ROBO2: variants seen among roughly 807,000 people sequenced by gnomAD.
ROBO2 encodes roundabout guidance receptor 2, also known as roundabout homolog 2.
ROBO2 carries 53 observed loss-of-function variants against 160.8 expected under a neutral mutation model. The ratio of observed to expected loss-of-function variants is 0.33; its 90% confidence interval spans 0.26 to 0.41. The LOEUF (loss-of-function observed/expected upper bound fraction) is 0.41. Among genes scored for constraint, ROBO2 ranks in the 10% least tolerant of loss-of-function variants. The pLI is 1.00. For missense variants in ROBO2, 1,577 were observed against 1,722.4 expected, an observed-to-expected ratio of 0.92 and a Z score of 1.49; for synonymous variants, 664 against 611.7, an observed-to-expected ratio of 1.09 and a Z score of -1.26.
chr3:76,213,977 C>T (rs1035897377), intron 2 of ROBO2, among the ~76,000 whole-genome samples: 13 of 152,070 alleles, frequency 8.5e-5, no homozygotes, highest in African/African-American at 2.4e-4. Context: ...CTTCTCTACT[C>T]GGTCTGCTAA....
At chr3:76,460,338 C>A (rs1227903609) in intron 2 of ROBO2, among the ~76,000 whole-genome samples, 1 of 152,106 alleles carries the variant, frequency 6.6e-6, no homozygotes, top group Non-Finnish European at 1.5e-5. Flanking sequence ...GAAGCATGAT[C>A]ATTTCAAAAT....
At position 77,619,212 on chromosome 3, in the gene ROBO2, C is replaced by T. The variant is rs528442584; in HGVS notation, c.3554+1439C>T. On this transcript the variant is annotated intron_variant, in intron 22 of 25. Transcript: ENST00000461745. ...CAACATTTATATGCTATAGTTTCCC[C>T]ATGTGTAAAATGATGGTGATGATAA... Among the ~76,000 whole-genome samples the T allele has an allele frequency of 1.1e-4, 17 of 152,234 alleles. No homozygotes were observed. In the South Asian group the frequency reaches 3.3e-3, roughly 30 times the overall value.
chr3:76,407,001 T>G (rs1018957578), intron 2 of ROBO2, among the ~76,000 whole-genome samples: 8 of 151,458 alleles, frequency 5.3e-5, no homozygotes, highest in Admixed American at 4.0e-4. Context: ...TGAGTTGTTT[T>G]TTTTTTTTTT....
chr3:75,908,712 G>A (rs1182523868), intron 1 of ROBO2, among the ~76,000 whole-genome samples: 1 of 151,950 alleles, frequency 6.6e-6, no homozygotes, highest in Non-Finnish European at 1.5e-5. Context: ...GTTTCTCTTT[G>A]ATATAAAATA....
intron 1 of ROBO2, among the ~76,000 whole-genome samples, chr3:77,066,971 T>TC (rs892526917): frequency 1.4e-5 from 2 of 146,646 alleles, no homozygotes; most frequent in Non-Finnish European, 3.0e-5. Flanking sequence ...TCTTTTCCCC[T>TC]CCCCCCTCCA....
intron 2 of ROBO2, among the ~76,000 whole-genome samples, chr3:76,008,755 A>T (rs2066105743): frequency 6.6e-6 from 1 of 151,618 alleles, no homozygotes; most frequent in Admixed American, 6.6e-5. Flanking sequence ...TTTCTCATCC[A>T]TCACTAGGTT....
intron 2 of ROBO2, among the ~76,000 whole-genome samples, chr3:77,146,907 C>T (rs1188772700): frequency 6.6e-6 from 1 of 152,084 alleles, no homozygotes; most frequent in African/African-American, 2.4e-5. Context: ...GCGGAGGTTG[C>T]GGTGAGCCAA....
At chr3:76,628,433 G>GGT (rs375462977) in intron 2 of ROBO2, among the ~76,000 whole-genome samples, 1 of 135,366 alleles carries the variant, frequency 7.4e-6, no homozygotes, top group African/African-American at 2.8e-5. Flanking sequence ...TAATTTTTAG[G>GGT]TTTTTTTTTT....
At chr3:76,573,377 A>G (rs2085068798) in intron 2 of ROBO2, among the ~76,000 whole-genome samples, 1 of 152,098 alleles carries the variant, frequency 6.6e-6, no homozygotes, top group Non-Finnish European at 1.5e-5. Context: ...AACCCATTTA[A>G]GAGTCAGCTG....
intron 2 of ROBO2, among the ~76,000 whole-genome samples, chr3:77,101,314 T>A (rs1460398882): frequency 3.3e-5 from 5 of 152,164 alleles, no homozygotes; most frequent in African/African-American, 9.7e-5. Context: ...TGTTTTGTTT[T>A]TGGTTAAGTG....
intron 2 of ROBO2, among the ~76,000 whole-genome samples, chr3:76,136,553 T>C (rs892992694): frequency 6.6e-6 from 1 of 151,936 alleles, no homozygotes; most frequent in Non-Finnish European, 1.5e-5. Context: ...CAGAGTGGGG[T>C]ATAATATAGG....
rs79745543 is a variant in ROBO2 at position 77,539,986 on chromosome 3, T to G, written c.935-6352T>G. ...CTCTGCTGAAATGCTGGAGCTAGTT[T>G]GGGGACAAATGAGTGTCAGGATTGG... On this transcript the variant is annotated intron_variant, in intron 6 of 25. Transcript: ENST00000461745. Among the ~76,000 whole-genome samples, 3 of 152,226 alleles carry G rather than the reference T, an allele frequency of 2.0e-5. No homozygotes were observed. In the East Asian group the frequency reaches 5.8e-4, roughly 29 times the overall value.
chr3:76,409,668 T>C (rs935011954), intron 2 of ROBO2, among the ~76,000 whole-genome samples: 2 of 152,042 alleles, frequency 1.3e-5, no homozygotes, highest in Non-Finnish European at 2.9e-5. Context: ...CAAACTAAGC[T>C]CTGTTCCTTA....
At chr3:76,179,946 A>ACCG (rs1225443411) in intron 2 of ROBO2, among the ~76,000 whole-genome samples, 7 of 152,082 alleles carry the variant, frequency 4.6e-5, no homozygotes, top group Non-Finnish European at 5.9e-5. Context: ...CAACTATAGA[A>ACCG]CCGGTACCTG....
At chr3:76,435,721 C>T (rs538784119) in intron 2 of ROBO2, among the ~76,000 whole-genome samples, 1 of 152,208 alleles carries the variant, frequency 6.6e-6, no homozygotes, top group South Asian at 2.1e-4. Context: ...TAGCTTTGAG[C>T]TTTTGGGGGT....
At chr3:76,345,635 C>G (rs1021165992) in intron 2 of ROBO2, among the ~76,000 whole-genome samples, 11 of 151,434 alleles carry the variant, frequency 7.3e-5, no homozygotes, top group African/African-American at 2.7e-4. Flanking sequence ...TTGAGCCTTC[C>G]TAGTTTTGTA....
At chr3:77,172,134 C>G (rs958767537) in intron 2 of ROBO2, among the ~76,000 whole-genome samples, 1 of 152,122 alleles carries the variant, frequency 6.6e-6, no homozygotes, top group Admixed American at 6.6e-5. Context: ...TCTCTTTCCA[C>G]CCAGGGTTTT....
At chr3:77,250,657 G>A (rs1443252451) in intron 2 of ROBO2, among the ~76,000 whole-genome samples, 1 of 152,214 alleles carries the variant, frequency 6.6e-6, no homozygotes, top group Non-Finnish European at 1.5e-5. Context: ...TTACAATGAA[G>A]AGAAATTGAT....
chr3:77,614,742 C>CAACA (rs2094728503), intron 21 of ROBO2, among the ~76,000 whole-genome samples: 1 of 144,284 alleles, frequency 6.9e-6, no homozygotes, highest in Non-Finnish European at 1.5e-5. Context: ...ACCAACCAAC[C>CAACA]AACCAACCAA....
Sources: gnomAD v4.1 joint callset for allele counts (sites outside exome capture counted in the v4.1 genomes callset) on GRCh38, gnomAD v4.1.1 for gene constraint, MANE v1.5 for transcripts, NCBI Gene and HGNC (gene_info 2026-07-23, HGNC 2026-07-21) for gene names.